WASHC4: variants seen among roughly 807,000 people sequenced by gnomAD.
The protein encoded by WASHC4 is WASH complex subunit 4, also known as WASH complex subunit 7.
WASHC4 carries 86 observed loss-of-function variants against 166.6 expected under a neutral mutation model. The observed-to-expected ratio is 0.52, with a 90% CI of 0.43 to 0.62. WASHC4 has a LOEUF of 0.62. Ranked by LOEUF, WASHC4 falls within the 20% of genes least tolerant of loss-of-function variation. The probability of loss-of-function intolerance (pLI) is 0.00; values close to 1 mark genes in which losing one functional copy is unlikely to be tolerated. For synonymous variants in WASHC4, 446 were observed against 451.6 expected, an observed-to-expected ratio of 0.99 and a Z score of 0.16; for missense variants, 1,262 against 1,382.4, an observed-to-expected ratio of 0.91 and a Z score of 1.38.
In WASHC4 at chr12:105,152,359, C is replaced by G. The variant is rs1883834824; in HGVS notation, c.2666C>G (p.Ala889Gly). Residue 889 changes from alanine (A) to glycine (G), a missense_variant, in exon 26 of 33, where the codon GCA (alanine) becomes GGA (glycine). Transcript: ENST00000332180. ...QNDHKYPFDRAEKFNRGIRKL... is the reference protein window; with the variant it reads ...QNDHKYPFDRGEKFNRGIRKL... The stretch of plus-strand genomic sequence containing the variant: ...TCTGTCTAGTATCCTTTTGATAGAG[C>G]AGAAAAATTCAATCGAGGCATCAGA... 6.3e-7 allele frequency: 1 copy of G among 1,584,536 alleles called. No individual in the cohort carries two copies. Among genetic ancestry groups the G allele is most frequent in the African/African-American group, 1.3e-5 (1 of 74,222 alleles).
In WASHC4 at chr12:105,126,803, TGTACTTAA is replaced by T. The variant is rs567865474; in HGVS notation, c.1039-325_1039-318del. On this transcript the variant is annotated intron_variant, in intron 12 of 32. Coordinates refer to ENST00000332180, the MANE Select transcript of WASHC4 (RefSeq NM_015275.3). ...CCCAGCCAATTTTTTAAAAAACTTA[TGTACTTAA>T]ATAGAATGAAACTAAAAGACATGAA... 4.5e-3 allele frequency among the ~76,000 whole-genome samples: 683 copies of T among 152,168 alleles called. 6 individuals are homozygous for T. The highest frequency in any genetic ancestry group is 0.016 in the African/African-American group (649 of 41,568).
chr12:105,113,490 T>C (rs1330487485), intron 2 of WASHC4, among the ~76,000 whole-genome samples: 1 of 152,066 alleles, frequency 6.6e-6, no homozygotes, highest in Admixed American at 6.5e-5. Context: ...CTGTTTAAGT[T>C]CTATTATTGG....
Position 105,146,494 on chromosome 12 carries a change from G to T in WASHC4, c.2377G>T (p.Val793Leu), listed in dbSNP as rs1187340434. ...LEIMRNIHIF[V>L]SRYLYNLNNQ... ...AATTATGAGAAACATTCATATATTT[G>T]TGTCCCGATACCTCTATAATCTCAA... The change falls in exon 23 of 33, where the codon GTG becomes TTG. Residue 793 changes from valine to leucine, a missense_variant. Physicochemically the swap from Val to Leu is conservative, Grantham distance 32. Transcript: ENST00000332180. 1.2e-6 allele frequency: 2 copies of T among 1,604,238 alleles called. No individual in the cohort carries two copies. Among genetic ancestry groups the T allele is most frequent in the Non-Finnish European group, 1.7e-6 (2 of 1,171,732 alleles).
chr12:105,107,780 T>C lies in WASHC4; in HGVS notation c.-21T>C, dbSNP rs1173027441. On this transcript the variant is annotated 5_prime_UTR_variant, in exon 1 of 33. Coordinates refer to ENST00000332180, the MANE Select transcript of WASHC4 (RefSeq NM_015275.3). ...GCCGCACGGGCTGGTTGGGGCTGTG[T>C]CTGTGGGAGGCGCCGGGGTGATGGC... 3 of 1,546,188 alleles carry C rather than the reference T, an allele frequency of 1.9e-6. No homozygotes were observed. The highest frequency in any genetic ancestry group is 3.9e-5 in the Admixed American group (2 of 50,976).
intron 6 of WASHC4, among the ~76,000 whole-genome samples, chr12:105,117,761 A>G (rs980163414): frequency 2.0e-5 from 3 of 152,212 alleles, no homozygotes; most frequent in African/African-American, 7.2e-5. Flanking sequence ...TTAGATCAGC[A>G]TAGTTTTAAT....
intron 10 of WASHC4, among the ~76,000 whole-genome samples, chr12:105,124,275 A>T (rs1424348346): frequency 6.7e-6 from 1 of 149,718 alleles, no homozygotes; most frequent in Non-Finnish European, 1.5e-5. Flanking sequence ...ATCTACTACC[A>T]TGCCCAGCTA....
chr12:105,147,930 G>A (rs932842501), intron 24 of WASHC4: 48 of 982,844 alleles, frequency 4.9e-5, no homozygotes, highest in East Asian at 1.1e-4. Context: ...AAACAAAAAC[G>A]AAATGGGCAT....
In WASHC4 at chr12:105,143,216, C is replaced by G. The variant is rs778886658; in HGVS notation, c.1983C>G (p.Asp661Glu). 7.5e-6 allele frequency: 12 copies of G among 1,594,882 alleles called. No homozygotes were observed. The highest frequency in any genetic ancestry group is 1.0e-5 in the Non-Finnish European group (12 of 1,163,330). Residue 661 changes from aspartate to glutamate, a missense_variant, in exon 20 of 33, where the codon GAC (aspartate) becomes GAG (glutamate). Coordinates refer to ENST00000332180, the MANE Select transcript of WASHC4 (RefSeq NM_015275.3). ...ATGAGATACTTCTGGATTGCTATGA[C>G]AAGGAAATTATGGAAATTTTAAATG... ...ESYEILLDCY[D>E]KEIMEILNEH...
chr12:105,120,415 T>C, intron 7 of WASHC4, 140 bp from the exon 8 acceptor site: 1 of 611,956 alleles, frequency 1.6e-6, no homozygotes. Flanking sequence ...GACTTGACGC[T>C]CTTAAATTTT....
chr12:105,143,191 A>C lies in WASHC4; in HGVS notation c.1958A>C (p.Tyr653Ser). 2 of 1,610,974 alleles carry C rather than the reference A, an allele frequency of 1.2e-6. No homozygotes were observed. The highest frequency in any genetic ancestry group is 1.7e-6 in the Non-Finnish European group (2 of 1,177,456). Residue 653 changes from tyrosine to serine, a missense_variant, in exon 20 of 33, where the codon TAT becomes TCT. Tyr to Ser is a moderately radical substitution (Grantham distance 144, BLOSUM62 -2). Coordinates refer to ENST00000332180, the MANE Select transcript of WASHC4 (RefSeq NM_015275.3). ...AMMHARHLES[Y>S]EILLDCYDKE... is the part of the protein sequence containing the mutation. The stretch of plus-strand genomic sequence containing the variant: ...ATGCATGCAAGGCATTTAGAGTCCT[A>C]TGAGATACTTCTGGATTGCTATGAC...
intron 14 of WASHC4, among the ~76,000 whole-genome samples, chr12:105,134,432 T>C (rs1882130902): frequency 6.6e-6 from 1 of 152,158 alleles, no homozygotes; most frequent in East Asian, 1.9e-4. Flanking sequence ...TTTCAGATAC[T>C]GAGAGTCATG....
At chr12:105,128,998 T>C (rs966734254) in intron 13 of WASHC4, among the ~76,000 whole-genome samples, 20 of 149,056 alleles carry the variant, frequency 1.3e-4, no homozygotes, top group Non-Finnish European at 2.2e-4. Context: ...CAGGCTGGAG[T>C]GCAGTGGTGT....
chr12:105,128,933 A>G (rs1035546653), intron 13 of WASHC4, among the ~76,000 whole-genome samples: 5 of 142,896 alleles, frequency 3.5e-5, no homozygotes, highest in Admixed American at 7.0e-5. Context: ...GCCTACCACC[A>G]TGCCCAGCTA....
In WASHC4 at chr12:105,144,442, C is replaced by G; in HGVS notation, c.2166C>G (p.Phe722Leu). ...SLNPIRFFNR[F>L]IDIRAYVTHY... ...ATCCAATTCGGTTTTTCAATCGTTT[C>G]ATTGACATTCGGGGTGAGTGTTTTG... Residue 722 changes from phenylalanine (F) to leucine (L), a missense_variant, in exon 21 of 33, where the codon TTC becomes TTG. By Grantham distance (22) the Phe-to-Leu change is conservative (BLOSUM62 0). Coordinates refer to ENST00000332180, the MANE Select transcript of WASHC4 (RefSeq NM_015275.3). 1.2e-6 allele frequency: 2 copies of G among 1,611,294 alleles called. No individual in the cohort carries two copies. The highest frequency in any genetic ancestry group is 2.2e-5 in the South Asian group (2 of 91,000).
Position 105,118,644 on chromosome 12 carries a change from A to T in WASHC4, c.518+116A>T, listed in dbSNP as rs1364398913. ...ATTCAGCATTCTTTGAACACTTATG[A>T]TATTTCAAACACTACTTGATGTGTA... On this transcript the variant is annotated intron_variant, in intron 7 of 32. Transcript: ENST00000332180. 5 of 736,298 alleles carry T rather than the reference A, an allele frequency of 6.8e-6. No individual in the cohort carries two copies. In the East Asian group the frequency reaches 1.3e-4, roughly 20 times the overall value. The allele number at this position is 736,298 out of a possible 1,614,324, so 45.6% of individuals were successfully genotyped here.
intron 26 of WASHC4, chr12:105,155,031 T>A (rs1884036237): frequency 8.0e-6 from 1 of 125,186 alleles, no homozygotes; most frequent in Non-Finnish European, 1.7e-5. Flanking sequence ...AAATGTTAAC[T>A]TGTTTTTACA....
In WASHC4 at chr12:105,149,763, T is replaced by G. The variant is rs766795953; in HGVS notation, c.2649+14T>G. 6.3e-7 allele frequency: 1 copy of G among 1,588,146 alleles called. No homozygotes were observed. The highest frequency in any genetic ancestry group is 8.6e-7 in the Non-Finnish European group (1 of 1,162,548). On this transcript the variant is annotated intron_variant, in intron 25 of 32. Transcript: ENST00000332180. ...AATGATCATAAGGTAGGCTACCTAT[T>G]CTTTTTAAGGTATTTGATTAAGCTA...
chr12:105,152,008 GC>G (rs1436793553), intron 25 of WASHC4, among the ~76,000 whole-genome samples: 1 of 152,122 alleles, frequency 6.6e-6, no homozygotes, highest in Non-Finnish European at 1.5e-5. Flanking sequence ...TACCTATTCA[GC>G]CCACAGAAAC....
At chr12:105,163,788 G>A (rs900852480) in intron 30 of WASHC4, among the ~76,000 whole-genome samples, 1 of 152,120 alleles carries the variant, frequency 6.6e-6, no homozygotes, top group Non-Finnish European at 1.5e-5. Flanking sequence ...GGGATTATAG[G>A]TACAAGTCAT....
Sources: gnomAD v4.1 joint callset for allele counts (sites outside exome capture counted in the v4.1 genomes callset) on GRCh38, gnomAD v4.1.1 for gene constraint, MANE v1.5 for transcripts, NCBI Gene and HGNC (gene_info 2026-07-23, HGNC 2026-07-21) for gene names.